TAFA2: variants seen among roughly 807,000 people sequenced by gnomAD.
TAFA2 encodes the protein TAFA chemokine like family member 2.
TAFA2 carries 7 observed loss-of-function variants against 18.8 expected under a neutral mutation model. The observed-to-expected ratio is 0.37, with a 90% CI of 0.21 to 0.70. TAFA2 has a LOEUF of 0.70. Among genes scored for constraint, TAFA2 ranks in the 30% least tolerant of loss-of-function variants. The pLI, the probability that TAFA2 is intolerant of heterozygous loss-of-function variation, is 0.53. For synonymous variants in TAFA2, 60 were observed against 54.2 expected, an observed-to-expected ratio of 1.11 and a Z score of -0.47; for missense variants, 122 against 158.1, an observed-to-expected ratio of 0.77 and a Z score of 1.23.
At chr12:61,907,751 C>T (rs192587430) in intron 1 of TAFA2, among the ~76,000 whole-genome samples, 132 of 150,718 alleles carry the variant, frequency 8.8e-4, no homozygotes, top group African/African-American at 2.9e-3. Context: ...CAGGCAGGAG[C>T]GGGGGATGTA....
At chr12:62,039,113 C>G (rs1446642188) in intron 1 of TAFA2, among the ~76,000 whole-genome samples, 6 of 152,130 alleles carry the variant, frequency 3.9e-5, no homozygotes, top group Non-Finnish European at 8.8e-5. Context: ...GACGTCAGTG[C>G]AGGGAAAATG....
intron 1 of TAFA2, among the ~76,000 whole-genome samples, chr12:61,968,492 C>T (rs1477496674): frequency 1.3e-5 from 2 of 151,748 alleles, no homozygotes; most frequent in African/African-American, 4.8e-5. Flanking sequence ...TACACACAAG[C>T]TTCAATCTCA....
At chr12:62,247,006 T>A (rs2062889764) in intron 1 of TAFA2, among the ~76,000 whole-genome samples, 1 of 152,302 alleles carries the variant, frequency 6.6e-6, no homozygotes, top group Middle Eastern at 3.4e-3. Flanking sequence ...GTGAATATAT[T>A]TGGCCTTATT....
chr12:62,010,245 G>A (rs1339812500), intron 1 of TAFA2, among the ~76,000 whole-genome samples: 1 of 145,882 alleles, frequency 6.9e-6, no homozygotes, highest in Non-Finnish European at 1.5e-5. Flanking sequence ...GTCTCGGCTC[G>A]CTGCAGCCTC....
chr12:61,880,321 C>T (rs1875066662), intron 1 of TAFA2: 1 of 484,424 alleles, frequency 2.1e-6, no homozygotes, highest in Non-Finnish European at 4.1e-6. Flanking sequence ...CCCTGGAGGC[C>T]ACCATCACAG....
At chr12:61,971,452 CG>C (rs1879244697) in intron 1 of TAFA2, among the ~76,000 whole-genome samples, 1 of 151,242 alleles carries the variant, frequency 6.6e-6, no homozygotes, top group Non-Finnish European at 1.5e-5. Flanking sequence ...CAAATCTGCA[CG>C]TTGTGCACAC....
At chr12:62,035,866 G>C (rs558470051) in intron 1 of TAFA2, among the ~76,000 whole-genome samples, 3 of 146,376 alleles carry the variant, frequency 2.0e-5, no homozygotes, top group East Asian at 2.1e-4. Context: ...CTCAGCCTCC[G>C]GTGTAGCTGG....
intron 1 of TAFA2, among the ~76,000 whole-genome samples, chr12:62,149,583 C>T (rs1266031768): frequency 2.0e-5 from 3 of 147,002 alleles, no homozygotes; most frequent in South Asian, 4.3e-4. Flanking sequence ...TATATATATA[C>T]ACATTATATA....
intron 1 of TAFA2, among the ~76,000 whole-genome samples, chr12:61,911,411 C>T (rs1417872766): frequency 1.3e-5 from 2 of 152,140 alleles, no homozygotes; most frequent in Non-Finnish European, 2.9e-5. Flanking sequence ...AAGCCACTTC[C>T]ATGGAACATG....
chr12:62,215,743 T>TCTCTTGCTTAAGAGAAACAACTTGTTA, intron 1 of TAFA2, among the ~76,000 whole-genome samples: 1 of 145,314 alleles, frequency 6.9e-6, no homozygotes, highest in African/African-American at 2.6e-5. Flanking sequence ...ACAACTTGTT[T>TCTCTTGCTTAAGAGAAACAACTTGTTA]CTCAAAAAAA....
At chr12:61,911,342 C>T (rs910291909) in intron 1 of TAFA2, among the ~76,000 whole-genome samples, 1 of 152,108 alleles carries the variant, frequency 6.6e-6, no homozygotes, top group Admixed American at 6.6e-5. Flanking sequence ...TTGGCCCAAT[C>T]CTTCGAAAAT....
chr12:61,855,097 A>G (rs1202057025), intron 2 of TAFA2, among the ~76,000 whole-genome samples: 1 of 152,158 alleles, frequency 6.6e-6, no homozygotes, highest in East Asian at 1.9e-4. Flanking sequence ...TTTTAGCCTA[A>G]AAGAGATGCT....
chr12:61,938,739 AAAT>A (rs1877876568), intron 1 of TAFA2, among the ~76,000 whole-genome samples: 2 of 152,198 alleles, frequency 1.3e-5, no homozygotes, highest in South Asian at 4.1e-4. Flanking sequence ...AAAAAGAATG[AAAT>A]AATGTCTTTT....
intron 1 of TAFA2, among the ~76,000 whole-genome samples, chr12:61,978,807 C>G (rs1879527567): frequency 6.6e-6 from 1 of 152,118 alleles, no homozygotes; most frequent in Non-Finnish European, 1.5e-5. Flanking sequence ...ATGTATCATA[C>G]TTCAAGAAAC....
intron 1 of TAFA2, chr12:62,234,871 G>A (rs1350639324): frequency 6.8e-6 from 7 of 1,036,606 alleles, no homozygotes; most frequent in Non-Finnish European, 1.1e-5. Flanking sequence ...CTGGGACTCA[G>A]CTCGGGGCAT....
At chr12:61,969,241 T>C (rs528351565) in intron 1 of TAFA2, among the ~76,000 whole-genome samples, 1 of 151,808 alleles carries the variant, frequency 6.6e-6, no homozygotes, top group South Asian at 2.1e-4. Context: ...AATGTATCCA[T>C]ATTCTAGCAA....
At chr12:62,151,443 A>G (rs2062327620) in intron 1 of TAFA2, among the ~76,000 whole-genome samples, 1 of 152,234 alleles carries the variant, frequency 6.6e-6, no homozygotes. Context: ...CTCTATAAAA[A>G]GGAAGGTCTT....
chr12:62,168,667 T>C (rs2062456024), intron 1 of TAFA2, among the ~76,000 whole-genome samples: 1 of 151,998 alleles, frequency 6.6e-6, no homozygotes, highest in South Asian at 2.1e-4. Flanking sequence ...AGACCCAGTC[T>C]CTAAACAAAA....
intron 1 of TAFA2, among the ~76,000 whole-genome samples, chr12:62,218,958 A>G (rs1316242113): frequency 6.6e-6 from 1 of 152,172 alleles, no homozygotes; most frequent in Non-Finnish European, 1.5e-5. Flanking sequence ...ATTTGAGATG[A>G]TAGAATTAAA....
Sources: allele counts gnomAD v4.1 joint callset (sites outside exome capture counted in the v4.1 genomes callset), GRCh38; gene constraint gnomAD v4.1.1; transcripts MANE v1.5; gene names NCBI Gene and HGNC (gene_info 2026-07-23, HGNC 2026-07-21).